AKNAD1: variants seen among roughly 807,000 people sequenced by gnomAD.
AKNAD1 encodes protein AKNAD1.
A neutral mutation model predicts 90.8 loss-of-function variants in AKNAD1; 67 were observed. The ratio of observed to expected loss-of-function variants is 0.74; its 90% CI spans 0.61 to 0.90. The LOEUF is 0.90. AKNAD1 is among the 40% of genes least tolerant of loss of function. AKNAD1 has a pLI of 0.00. For synonymous variants in AKNAD1, 327 were observed against 341.4 expected, an observed-to-expected ratio of 0.96 and a Z score of 0.46; for missense variants, 957 against 975.4, an observed-to-expected ratio of 0.98 and a Z score of 0.25.
chr1:108,833,213 A>T (rs1664261848), intron 9 of AKNAD1, among the ~76,000 whole-genome samples: 1 of 152,218 alleles, frequency 6.6e-6, no homozygotes. Flanking sequence ...AGCATAAAAC[A>T]ATATATATAG....
At chr1:108,843,049 C>T in intron 6 of AKNAD1, 85 bp downstream of exon 6, 1 of 1,534,284 alleles carries the variant, frequency 6.5e-7, no homozygotes, top group East Asian at 2.3e-5. Context: ...GCTCTCCAAG[C>T]ACTAAGCCAG....
chr1:108,821,428 G>A (rs1320544485), intron 13 of AKNAD1, among the ~76,000 whole-genome samples: 3 of 151,364 alleles, frequency 2.0e-5, no homozygotes, highest in South Asian at 2.1e-4. Context: ...TCCAGCCTGG[G>A]TGACAGAGTG....
At chr1:108,829,759 A>C (rs1263841916) in intron 10 of AKNAD1, among the ~76,000 whole-genome samples, 3 of 152,176 alleles carry the variant, frequency 2.0e-5, no homozygotes, top group African/African-American at 7.2e-5. Flanking sequence ...CATTACGTAC[A>C]TATAACAGTG....
At chr1:108,834,099 C>T (rs771404387) in intron 9 of AKNAD1, among the ~76,000 whole-genome samples, 1 of 152,136 alleles carries the variant, frequency 6.6e-6, no homozygotes, top group Non-Finnish European at 1.5e-5. Context: ...AGACCAGAAC[C>T]AGCAGCTTTG....
rs1346780542 is a variant in AKNAD1, at chr1:108,816,302, T to A, written c.2380A>T (p.Ile794Phe). ...FDSTEEIKSE[I>F]LNSALDHALR... ...GCATGATCCAAAGCCGAGTTTAAAA[T>A]CTACAGAGGAAAAGTCCACACATTT... The change falls in exon 16 of 16, where the codon ATT becomes TTT. Residue 794 changes from isoleucine to phenylalanine, a missense_variant and splice_region_variant. Ile to Phe is a conservative substitution (Grantham distance 21). Transcript: ENST00000370001. 1.2e-6 allele frequency: 2 copies of A among 1,608,972 alleles called. No homozygotes were observed. The highest frequency in any genetic ancestry group is 1.7e-6 in the Non-Finnish European group (2 of 1,178,450).
At position 108,834,920 on chromosome 1, in the gene AKNAD1, A is replaced by G. The variant is rs1274659737; in HGVS notation, c.1664+9T>C. Reference sequence around the variant, plus strand: ...CTGTGTCTGCTGGGGCTCCAGGGCTAGGACTCACGTCTGCGGGGCCAGCTC... The same window carrying G: ...CTGTGTCTGCTGGGGCTCCAGGGCTGGGACTCACGTCTGCGGGGCCAGCTC... On this transcript the variant is annotated intron_variant, in intron 8 of 15. Transcript: ENST00000370001. 1.3e-6 allele frequency: 2 copies of G among 1,526,830 alleles called. No individual in the cohort carries two copies. The highest frequency in any genetic ancestry group is 1.7e-6 in the Non-Finnish European group (2 of 1,145,900). The allele number at this position is 1,526,830 out of a possible 1,614,324, so 94.6% of individuals were successfully genotyped here.
intron 7 of AKNAD1, among the ~76,000 whole-genome samples, chr1:108,836,353 G>T (rs566044319): frequency 1.3e-5 from 2 of 152,282 alleles, no homozygotes; most frequent in South Asian, 4.1e-4. Context: ...ATGAAGCATC[G>T]ACTCTCCTGG....
At position 108,834,452 on chromosome 1, in the gene AKNAD1, AGTTAGAAG is replaced by A; in HGVS notation, c.1733_1740del (p.Ser578PhefsTer32). ...CCCCGGCTGCAGGACATTACCCCAG[AGTTAGAAG>A]ACAGCCTCATGGCCACTTGGTCTGG... On this transcript the variant is annotated frameshift_variant, in exon 9 of 16. Transcript: ENST00000370001. LOFTEE classifies it high-confidence loss of function. 6.2e-7 allele frequency: 1 copy of A among 1,609,170 alleles called. No homozygotes were observed. Among genetic ancestry groups the A allele is most frequent in the Non-Finnish European group, 8.5e-7 (1 of 1,177,840 alleles).
intron 10 of AKNAD1, among the ~76,000 whole-genome samples, chr1:108,827,718 G>A (rs971928161): frequency 6.7e-6 from 1 of 149,772 alleles, no homozygotes; most frequent in African/African-American, 2.5e-5. Context: ...GGAGGCTGAG[G>A]CAGGAGAATG....
chr1:108,828,707 G>A (rs1656700476), intron 10 of AKNAD1, among the ~76,000 whole-genome samples: 1 of 151,820 alleles, frequency 6.6e-6, no homozygotes, highest in Non-Finnish European at 1.5e-5. Context: ...GTCCTCTTGA[G>A]TCACATATTT....
rs534263304 is a variant in AKNAD1 at position 108,848,676 on chromosome 1, G to A, written c.1245+76C>T. On this transcript the variant is annotated intron_variant, in intron 5 of 15. Transcript: ENST00000370001. ...CTCCCACCACTGTAGAGAAAACATG[G>A]CACTATAAAGTTATTTATCTTTATC... 1.7e-4 allele frequency: 221 copies of A among 1,299,902 alleles called. 3 individuals are homozygous for A. In the South Asian group the frequency reaches 1.7e-3, roughly 10 times the overall value. 80.5% of individuals were successfully genotyped at this position (1,299,902 alleles called of 1,614,324 possible).
chr1:108,843,365 A>G (rs1664609955), intron 5 of AKNAD1, 98 bp from the exon 6 acceptor site: 1 of 1,426,234 alleles, frequency 7.0e-7, no homozygotes, highest in African/African-American at 1.4e-5. Context: ...AGTAGTGTCA[A>G]AACAAAGCTG....
rs1557839111 is a variant in AKNAD1, at chr1:108,852,291, C to T, written c.374G>A (p.Gly125Asp). ...GAGGGTTTCACAATCAATGCCTTGA[C>T]CTCTTAAGAATGGCTCTTTGGAAAG... ...HHLSKEPFLR[G>D]QGIDCETLPE... The change falls in exon 2 of 16, where the codon GGT (glycine) becomes GAT (aspartate). Residue 125 changes from glycine (G) to aspartate (D), a missense_variant. Physicochemically the swap from Gly to Asp is moderately conservative, Grantham distance 94. Coordinates refer to ENST00000370001, the MANE Select transcript of AKNAD1 (RefSeq NM_152763.5). 6.2e-7 allele frequency: 1 copy of T among 1,614,120 alleles called. No homozygotes were observed. Among genetic ancestry groups the T allele is most frequent in the Non-Finnish European group, 8.5e-7 (1 of 1,180,030 alleles).
chr1:108,854,699 G>C lies in AKNAD1; in HGVS notation c.-103-1932C>G, dbSNP rs375258025. On this transcript the variant is annotated intron_variant, in intron 1 of 15. Coordinates refer to ENST00000370001, the MANE Select transcript of AKNAD1 (RefSeq NM_152763.5). Reference sequence around the variant, plus strand: ...AATCATTTAAAGAGGGTAACATTTAGTATAAAGTGAGGCATGTCTTCATGA... The same window carrying C: ...AATCATTTAAAGAGGGTAACATTTACTATAAAGTGAGGCATGTCTTCATGA... Among the ~76,000 whole-genome samples, 10 of 152,172 alleles carry C rather than the reference G, an allele frequency of 6.6e-5. No individual in the cohort carries two copies. The East Asian group carries it at 1.2e-3, about 18-fold the overall frequency.
intron 15 of AKNAD1, 114 bp from the exon 16 acceptor site, chr1:108,816,416 T>C: frequency 8.7e-7 from 1 of 1,153,318 alleles, no homozygotes; most frequent in Non-Finnish European, 1.2e-6. Context: ...ATTCCTGTTT[T>C]CCTCTTGGTC....
chr1:108,852,546 C>T lies in AKNAD1; in HGVS notation c.119G>A (p.Gly40Asp), dbSNP rs199779148. ...NDYSFTSKKD[G>D]LEVLNQIIFI... Reference sequence around the variant, plus strand: ...AATAATTTGATTTAAGACTTCAAGGCCATCCTTTTTTGAGGTAAAACTGTA... The same window carrying T: ...AATAATTTGATTTAAGACTTCAAGGTCATCCTTTTTTGAGGTAAAACTGTA... The change falls in exon 2 of 16, where the codon GGC becomes GAC. Residue 40 changes from glycine to aspartate, a missense_variant. Coordinates refer to ENST00000370001, the MANE Select transcript of AKNAD1 (RefSeq NM_152763.5). The T allele has an allele frequency of 3.0e-4, 478 of 1,614,116 alleles. No homozygotes were observed. Among genetic ancestry groups the T allele is most frequent in the Non-Finnish European group, 3.7e-4 (434 of 1,180,006 alleles).
At chr1:108,853,913 G>A (rs912603883) in intron 1 of AKNAD1, among the ~76,000 whole-genome samples, 1 of 149,940 alleles carries the variant, frequency 6.7e-6, no homozygotes, top group Non-Finnish European at 1.5e-5. Context: ...TCCAGCCTAG[G>A]TGACAGAGAG....
At chr1:108,827,366 T>G in intron 10 of AKNAD1, 64 bp from the exon 11 acceptor site, 2 of 1,262,996 alleles carry the variant, frequency 1.6e-6, no homozygotes, top group South Asian at 2.4e-5. Flanking sequence ...GGGAAAGTTT[T>G]GGTAAAGTTG....
In AKNAD1 at chr1:108,837,605, C is replaced by T; in HGVS notation, c.1481G>A (p.Ser494Asn). The change falls in exon 7 of 16, where the codon AGT becomes AAT. Residue 494 changes from serine (S) to asparagine (N), a missense_variant. Transcript: ENST00000370001. ...KYTSAPSLPVSSPVTLDDLAS... is the reference protein window; with the variant it reads ...KYTSAPSLPVNSPVTLDDLAS... ...CAAGTCATCCAGGGTAACTGGAGAA[C>T]TCACAGGAAGGGAAGGAGCTGAAGT... 6.2e-7 allele frequency: 1 copy of T among 1,614,166 alleles called. No individual in the cohort carries two copies. The highest frequency in any genetic ancestry group is 1.3e-5 in the African/African-American group (1 of 75,050).
Sources: gnomAD v4.1 joint callset for allele counts (sites outside exome capture counted in the v4.1 genomes callset) on GRCh38, gnomAD v4.1.1 for gene constraint, MANE v1.5 for transcripts, NCBI Gene and HGNC (gene_info 2026-07-23, HGNC 2026-07-21) for gene names.